The following HEATR4 variants were observed in gnomAD, a reference collection of about 807,000 sequenced individuals.
HEATR4 encodes the protein HEAT repeat-containing protein 4.
HEATR4 carries 95 observed loss-of-function variants against 108.8 expected under a neutral mutation model. That is an observed-to-expected ratio of 0.87 (90% confidence interval 0.74 to 1.04). The LOEUF is 1.04. Among genes scored for constraint, HEATR4 ranks in the 50% least tolerant of loss-of-function variants. The probability of loss-of-function intolerance (pLI) is 0.00; values close to 1 mark genes in which losing one functional copy is unlikely to be tolerated. For missense variants in HEATR4, 1,152 were observed against 1,253.8 expected, an observed-to-expected ratio of 0.92 and a Z score of 1.23; for synonymous variants, 443 against 459.4, an observed-to-expected ratio of 0.96 and a Z score of 0.46.
At chr14:73,603,028 A>G in the HEATR4 span, among the ~76,000 whole-genome samples, 1 of 152,238 alleles carries the variant, frequency 6.6e-6, no homozygotes, top group East Asian at 1.9e-4. Flanking sequence ...CCTTGCATGT[A>G]AAACTATTTT....
upstream of HEATR4, among the ~76,000 whole-genome samples, chr14:73,560,389 C>T (rs774222951): frequency 6.6e-6 from 1 of 152,016 alleles, no homozygotes; most frequent in Non-Finnish European, 1.5e-5. Flanking sequence ...CTGAGCCAGG[C>T]GCTGTGGCTC....
At chr14:73,583,361 AAAAG>A in the HEATR4 span, among the ~76,000 whole-genome samples, 4 of 151,906 alleles carry the variant, frequency 2.6e-5, no homozygotes, top group East Asian at 1.9e-4. Context: ...AAAAAAAAAA[AAAAG>A]AATGCAGTTT....
At chr14:73,618,801 A>T in the HEATR4 span, among the ~76,000 whole-genome samples, 3 of 152,264 alleles carry the variant, frequency 2.0e-5, no homozygotes, top group African/African-American at 7.2e-5. Context: ...TGAACTTTGC[A>T]GATTGTTGGA....
the HEATR4 span, among the ~76,000 whole-genome samples, chr14:73,590,855 C>T: frequency 6.6e-6 from 1 of 152,172 alleles, no homozygotes; most frequent in Admixed American, 6.5e-5. Context: ...CCGACTCCGG[C>T]CTTGGCCAGC....
chr14:73,602,388 C>T, the HEATR4 span, among the ~76,000 whole-genome samples: 2 of 152,166 alleles, frequency 1.3e-5, no homozygotes, highest in African/African-American at 2.4e-5. Flanking sequence ...TGAGGGCAAT[C>T]GCTTCCTGGT....
intron 17 of HEATR4, chr14:73,490,866 A>ATCTC: frequency 1.4e-6 from 1 of 731,488 alleles, no homozygotes; most frequent in Non-Finnish European, 1.9e-6. Context: ...AGAGAGCGGG[A>ATCTC]GGGGCCGAAT....
the HEATR4 span, among the ~76,000 whole-genome samples, chr14:73,564,415 G>C: frequency 1.3e-5 from 2 of 151,610 alleles, no homozygotes; most frequent in Non-Finnish European, 2.9e-5. Context: ...TTCGAGACCA[G>C]GCAACATAGG....
At chr14:73,609,555 C>T in the HEATR4 span, among the ~76,000 whole-genome samples, 2 of 152,160 alleles carry the variant, frequency 1.3e-5, no homozygotes, top group African/African-American at 4.8e-5. Flanking sequence ...GAAAACTGTG[C>T]CTGATATTGC....
chr14:73,583,089 A>G, the HEATR4 span, among the ~76,000 whole-genome samples: 1 of 152,022 alleles, frequency 6.6e-6, no homozygotes, highest in Admixed American at 6.6e-5. Context: ...CACACCTATA[A>G]TCCCAGCACT....
In HEATR4 at chr14:73,539,155, G is replaced by A. The variant is rs1276842271; in HGVS notation, c.-151-8911C>T. The A allele has an allele frequency of 2.6e-5, 3 of 114,324 alleles. 1 individual carries two copies. Among genetic ancestry groups the A allele is most frequent in the Admixed American group, 2.0e-4 (2 of 10,138 alleles). The allele number at this position is 114,324 out of a possible 1,614,324, so 7.1% of individuals were successfully genotyped here. A position where few individuals can be genotyped will look rare whatever the true frequency, so the allele number is the denominator to read the frequency against. ...GTGGCTGGGCCTGTGACAGTGCAGA[G>A]GTTTTGGTGCCTGCCCGCCCACCAT... On this transcript the variant is annotated intron_variant, in intron 1 of 17. Coordinates refer to ENST00000553558, the MANE Select transcript of HEATR4 (RefSeq NM_001220484.1).
the HEATR4 span, chr14:73,595,705 C>T: frequency 6.0e-5 from 90 of 1,498,086 alleles, no homozygotes; most frequent in African/African-American, 1.1e-3. Context: ...TTCTAGTGTT[C>T]AGTAACCCTA....
At chr14:73,561,940 T>A (rs1340357818), upstream of HEATR4, among the ~76,000 whole-genome samples, 3 of 152,024 alleles carry the variant, frequency 2.0e-5, no homozygotes, top group African/African-American at 4.8e-5. Flanking sequence ...ACTGTGATCT[T>A]GCCACTGCAC....
upstream of HEATR4, among the ~76,000 whole-genome samples, chr14:73,563,503 G>C (rs1566856507): frequency 6.6e-6 from 1 of 152,026 alleles, no homozygotes; most frequent in Non-Finnish European, 1.5e-5. Flanking sequence ...GCTGAGGTAG[G>C]AGACTCACTT....
upstream of HEATR4, among the ~76,000 whole-genome samples, chr14:73,563,538 T>C (rs1566856525): frequency 1.3e-5 from 2 of 151,990 alleles, no homozygotes; most frequent in African/African-American, 2.4e-5. Context: ...GAGGTTGCAG[T>C]GAGCTGAGAT....
At chr14:73,485,397 G>A (rs1885412968) in intron 17 of HEATR4, among the ~76,000 whole-genome samples, 3 of 142,934 alleles carry the variant, frequency 2.1e-5, no homozygotes, top group Admixed American at 7.2e-5. Context: ...TTGTACACAT[G>A]GGTGAATTTT....
chr14:73,480,082 T>C (rs751560879), intron 17 of HEATR4, among the ~76,000 whole-genome samples: 6 of 152,244 alleles, frequency 3.9e-5, no homozygotes, highest in Non-Finnish European at 8.8e-5. Context: ...CTATACATTA[T>C]ATGGCGTTAT....
the HEATR4 span, among the ~76,000 whole-genome samples, chr14:73,570,345 A>G: frequency 6.6e-6 from 1 of 151,810 alleles, no homozygotes; most frequent in African/African-American, 2.4e-5. Context: ...CTCGGCGGGC[A>G]GATCACGAGA....
Position 73,492,224 on chromosome 14 carries a change from T to G in HEATR4, c.2844+842A>C. 1 of 1,614,008 alleles carries G rather than the reference T, an allele frequency of 6.2e-7. No individual in the cohort carries two copies. The highest frequency in any genetic ancestry group is 8.5e-7 in the Non-Finnish European group (1 of 1,179,888). On this transcript the variant is annotated intron_variant, in intron 17 of 17. Transcript: ENST00000553558. This position sits in a 1 kb window ranked among gnomAD's most constrained non-coding sequence, Gnocchi z 4.9. Reference sequence around the variant, plus strand: ...AGATTTGCTGTATTTTCCTCGGGGCTTCATTCACCAAGCTGAATGCCAGGA... The same window carrying G: ...AGATTTGCTGTATTTTCCTCGGGGCGTCATTCACCAAGCTGAATGCCAGGA...
rs1351143238 is a variant in HEATR4 at position 73,554,009 on chromosome 14, T to C, written c.-152+4742A>G. 1.7e-5 allele frequency among the ~76,000 whole-genome samples: 2 copies of C among 115,488 alleles called. 1 individual carries two copies. Among genetic ancestry groups the C allele is most frequent in the African/African-American group, 5.6e-5 (2 of 35,826 alleles). 75.8% of individuals were successfully genotyped at this position (115,488 alleles called of 152,430 possible). ...ATGACAATGAGGTTCCCCTCTGCTTTAATCTGTACACAAAAGAATTAGCCA... is the reference window on the plus strand; with the variant it reads ...ATGACAATGAGGTTCCCCTCTGCTTCAATCTGTACACAAAAGAATTAGCCA... On this transcript the variant is annotated intron_variant, in intron 1 of 17. Coordinates refer to ENST00000553558, the MANE Select transcript of HEATR4 (RefSeq NM_001220484.1).
Sources: allele counts gnomAD v4.1 joint callset (sites outside exome capture counted in the v4.1 genomes callset), GRCh38; gene constraint gnomAD v4.1.1; non-coding constraint Gnocchi (gnomAD v3.1); transcripts MANE v1.5; gene names NCBI Gene and HGNC (gene_info 2026-07-23, HGNC 2026-07-21).